The following DNAJB11 variants were observed in gnomAD, a reference collection of about 807,000 sequenced individuals.
The protein encoded by DNAJB11 is dnaJ homolog subfamily B member 11.
In DNAJB11, 30 loss-of-function variants were observed where a neutral mutation model predicts 47.2. The ratio of observed to expected loss-of-function variants is 0.64; its 90% CI spans 0.48 to 0.86. The LOEUF (loss-of-function observed/expected upper bound fraction) is 0.86. DNAJB11 is among the 40% of genes least tolerant of loss of function. The probability of loss-of-function intolerance (pLI) is 0.00; values close to 1 mark genes in which losing one functional copy is unlikely to be tolerated. For missense variants in DNAJB11, 357 were observed against 440.2 expected, an observed-to-expected ratio of 0.81 and a Z score of 1.69; for synonymous variants, 151 against 159.9, an observed-to-expected ratio of 0.94 and a Z score of 0.42.
chr3:186,576,634 A>G (rs779732746), intron 3 of DNAJB11, among the ~76,000 whole-genome samples: 25 of 149,746 alleles, frequency 1.7e-4, no homozygotes, highest in Admixed American at 3.3e-4. Context: ...ACCCTTCCCC[A>G]AAAGAAGTAA....
At chr3:186,584,023 G>T in intron 8 of DNAJB11, 47 bp downstream of exon 8, 1 of 1,390,238 alleles carries the variant, frequency 7.2e-7, no homozygotes. Context: ...AAGCCTTTAT[G>T]TGGGTAGTTT....
rs115337666 is a variant in DNAJB11 at position 186,581,857 on chromosome 3, C to T, written c.600-138C>T. 663 of 690,104 alleles carry T rather than the reference C, an allele frequency of 9.6e-4. 1 individual carries two copies. The African/African-American group carries it at 0.011, about 11-fold the overall frequency. The allele number at this position is 690,104 out of a possible 1,614,324, so 42.7% of individuals were successfully genotyped here. A position where few individuals can be genotyped will look rare whatever the true frequency, so the allele number is the denominator to read the frequency against. ...GCATATAGAAGATGTAAATGATTAT[C>T]AGATAGTTTTGTCAAGTAGAGGCAC... On this transcript the variant is annotated intron_variant, in intron 5 of 9. Coordinates refer to ENST00000265028, the MANE Select transcript of DNAJB11 (RefSeq NM_016306.6).
intron 3 of DNAJB11, 26 bp from the exon 4 acceptor site, chr3:186,577,642 C>G: frequency 3.1e-6 from 4 of 1,284,512 alleles, no homozygotes; most frequent in Non-Finnish European, 2.0e-6. Context: ...TTTTTTTTTT[C>G]CTGATGATTT....
intron 8 of DNAJB11, 44 bp from the exon 9 acceptor site, chr3:186,584,386 A>G: frequency 2.0e-6 from 3 of 1,503,020 alleles, no homozygotes; most frequent in Non-Finnish European, 2.7e-6. Context: ...GATGTACTTC[A>G]GATGTACCGC....
At chr3:186,582,605 T>A (rs1715522919) in intron 6 of DNAJB11, 111 bp from the exon 7 acceptor site, 2 of 830,722 alleles carry the variant, frequency 2.4e-6, no homozygotes, top group Non-Finnish European at 4.0e-6. Context: ...CGTCACAGAT[T>A]TGACAGGTCA....
chr3:186,584,010 T>G, intron 8 of DNAJB11, 34 bp downstream of exon 8: 1 of 1,482,836 alleles, frequency 6.7e-7, no homozygotes, highest in Non-Finnish European at 9.4e-7. Context: ...CTGCATCCTT[T>G]TGAAGCCTTT....
rs1486535084 is a variant in DNAJB11, at chr3:186,577,713, G to A, written c.369G>A (p.Gln123=). 1.2e-6 allele frequency: 2 copies of A among 1,606,378 alleles called. No homozygotes were observed. The highest frequency in any genetic ancestry group is 1.1e-5 in the South Asian group (1 of 89,814). Residue 123 remains glutamine (Q), a synonymous_variant, in exon 4 of 10, where the codon CAG becomes CAA. Transcript: ENST00000265028. ...FGFMFGGTPR[Q]QDRNIPRGSD... is the part of the protein sequence containing the mutation. ...TCATGTTTGGAGGAACCCCTCGTCA[G>A]CAAGACAGAAATATTCCAAGAGGAA...
chr3:186,585,618 A>C lies in DNAJB11; in HGVS notation c.*210A>C. The stretch of plus-strand genomic sequence containing the variant: ...AATGACCAGCAAAAGGTTTACTAAT[A>C]CCTCTCCCTTTGGGGATTTAATGTC... On this transcript the variant is annotated 3_prime_UTR_variant, in exon 10 of 10. Transcript: ENST00000265028. 1 of 359,774 alleles carries C rather than the reference A, an allele frequency of 2.8e-6. No individual in the cohort carries two copies. The highest frequency in any genetic ancestry group is 5.1e-6 in the Non-Finnish European group (1 of 195,590). 22.3% of individuals were successfully genotyped at this position (359,774 alleles called of 1,614,324 possible). A position where few individuals can be genotyped will look rare whatever the true frequency, so the allele number is the denominator to read the frequency against.
chr3:186,577,922 C>A (rs1465175649), intron 4 of DNAJB11, 122 bp downstream of exon 4: 3 of 767,548 alleles, frequency 3.9e-6, no homozygotes, highest in South Asian at 2.6e-5. Context: ...ATCAAATGCA[C>A]AAAATTGAAT....
chr3:186,582,280 T>C lies in DNAJB11; in HGVS notation c.682+203T>C, dbSNP rs151292368. Among the ~76,000 whole-genome samples, 6 of 152,316 alleles carry C rather than the reference T, an allele frequency of 3.9e-5. No individual in the cohort carries two copies. In the East Asian group the frequency reaches 7.7e-4, roughly 20 times the overall value. ...GTAGCATTACCGTTTATCCTTTGAA[T>C]GTCATGGCCAAAAGTTATTATGAGG... is the stretch of plus-strand genomic sequence containing the variant. On this transcript the variant is annotated intron_variant, in intron 6 of 9. Coordinates refer to ENST00000265028, the MANE Select transcript of DNAJB11 (RefSeq NM_016306.6).
intron 1 of DNAJB11, among the ~76,000 whole-genome samples, chr3:186,571,348 C>A (rs1166303412): frequency 6.6e-6 from 1 of 152,112 alleles, no homozygotes; most frequent in Non-Finnish European, 1.5e-5. Context: ...GTGACAGTGC[C>A]AGGCTGAGGT....
intron 2 of DNAJB11, 66 bp from the exon 3 acceptor site, chr3:186,575,774 T>C (rs899648097): frequency 1.7e-5 from 21 of 1,272,372 alleles, no homozygotes; most frequent in Middle Eastern, 3.8e-4. Context: ...CAAACATAAA[T>C]ATGACTGTGC....
chr3:186,576,877 A>G (rs1269030016), intron 3 of DNAJB11, among the ~76,000 whole-genome samples: 1 of 152,150 alleles, frequency 6.6e-6, no homozygotes, highest in Non-Finnish European at 1.5e-5. Flanking sequence ...TTTAAGATTC[A>G]GGGAATTCAT....
Position 186,570,738 on chromosome 3 carries a change from G to C in DNAJB11, c.-160G>C. The C allele has an allele frequency of 1.5e-6, 1 of 666,052 alleles. No homozygotes were observed. 41.3% of individuals were successfully genotyped at this position (666,052 alleles called of 1,614,324 possible). Reference sequence around the variant, plus strand: ...ACTCGGGACTCCCGGGAAGTGGACCGGCAGAAGAGGGGGCTAGCTAGCTGT... The same window carrying C: ...ACTCGGGACTCCCGGGAAGTGGACCCGCAGAAGAGGGGGCTAGCTAGCTGT... On this transcript the variant is annotated 5_prime_UTR_variant, in exon 1 of 10. Transcript: ENST00000265028.
chr3:186,572,124 C>T lies in DNAJB11; in HGVS notation c.98C>T (p.Pro33Leu), dbSNP rs1715084223. Residue 33 changes from proline (P) to leucine (L), a missense_variant, in exon 2 of 10, where the codon CCT becomes CTT. Physicochemically the swap from Pro to Leu is moderately conservative, Grantham distance 98 (BLOSUM62 -3). Coordinates refer to ENST00000265028, the MANE Select transcript of DNAJB11 (RefSeq NM_016306.6). ...GATTTCTATAAGATCTTGGGGGTGC[C>T]TCGAAGTGCCTCTATAAAGGATATT... Reference protein sequence around the residue: ...GRDFYKILGVPRSASIKDIKK... With the variant: ...GRDFYKILGVLRSASIKDIKK... 6.2e-7 allele frequency: 1 copy of T among 1,601,678 alleles called. No individual in the cohort carries two copies. Among genetic ancestry groups the T allele is most frequent in the Non-Finnish European group, 8.5e-7 (1 of 1,175,802 alleles).
Position 186,572,155 on chromosome 3 carries a change from G to A in DNAJB11, c.129G>A (p.Lys43=). The A allele has an allele frequency of 1.9e-6, 3 of 1,613,390 alleles. No homozygotes were observed. The highest frequency in any genetic ancestry group is 1.7e-6 in the Non-Finnish European group (2 of 1,179,748). Residue 43 remains lysine, a synonymous_variant, in exon 2 of 10, where the codon AAG becomes AAA. Coordinates refer to ENST00000265028, the MANE Select transcript of DNAJB11 (RefSeq NM_016306.6). ...PRSASIKDIK[K]AYRKLALQLH... ...GTGCCTCTATAAAGGATATTAAAAA[G>A]GCCTATAGGAAACTAGCCCTGCAGC...
chr3:186,582,539 C>G (rs1422114720), intron 6 of DNAJB11, among the ~76,000 whole-genome samples, 177 bp from the exon 7 acceptor site: 1 of 152,136 alleles, frequency 6.6e-6, no homozygotes, highest in Non-Finnish European at 1.5e-5. Context: ...GTATCTGAGG[C>G]AAAGGTGATG....
At chr3:186,571,107 G>C (rs1405079825) in intron 1 of DNAJB11, 142 bp downstream of exon 1, 17 of 732,656 alleles carry the variant, frequency 2.3e-5, no homozygotes, top group Non-Finnish European at 3.5e-5. Context: ...CGGAGGAAGG[G>C]GTAGTATGGG....
chr3:186,576,281 T>C (rs1484609738), intron 3 of DNAJB11, among the ~76,000 whole-genome samples: 1 of 152,210 alleles, frequency 6.6e-6, no homozygotes, highest in East Asian at 1.9e-4. Flanking sequence ...TTAGCAGAGA[T>C]AGAAAAATTC....
Sources: gnomAD v4.1 joint callset for allele counts (sites outside exome capture counted in the v4.1 genomes callset) on GRCh38, gnomAD v4.1.1 for gene constraint, MANE v1.5 for transcripts, NCBI Gene and HGNC (gene_info 2026-07-23, HGNC 2026-07-21) for gene names.